DCTN2: variants seen among roughly 807,000 people sequenced by gnomAD.
DCTN2 encodes the protein dynactin subunit 2, also known as 50 kDa dynein-associated polypeptide.
Under a neutral mutation model 55.4 loss-of-function variants are expected in DCTN2, and 18 were observed. That is an observed-to-expected ratio of 0.32 (90% confidence interval 0.22 to 0.48). The LOEUF is 0.48. Ranked by LOEUF, DCTN2 falls within the 20% of genes least tolerant of loss-of-function variation. DCTN2 has a pLI of 0.99. For missense variants in DCTN2, 390 were observed against 491.0 expected (o/e 0.79, Z 1.94); for synonymous variants, 168 against 185.2 (o/e 0.91, Z 0.76).
chr12:57,539,969 T>C (rs1880562358), intron 2 of DCTN2: 3 of 449,640 alleles, frequency 6.7e-6, no homozygotes, highest in East Asian at 1.6e-4. Context: ...GAGGTTGCAG[T>C]TGAACCCGGC....
intron 2 of DCTN2, chr12:57,538,599 G>A (rs1341998157): frequency 2.8e-6 from 2 of 707,330 alleles, no homozygotes; most frequent in Non-Finnish European, 5.1e-6. Flanking sequence ...GATGAGGGAG[G>A]GAAAAAAAAG....
rs758150188 is a variant in DCTN2 at position 57,533,298 on chromosome 12, T to C, written c.675A>G (p.Ala225=). ...GCTCTGTCAGGCGCTTTTCAAGTTC[T>C]GCGACCTAGTGGGAGGAAGGAGGTG... is the stretch of plus-strand genomic sequence containing the variant. ...QDKFSQAAKV[A]ELEKRLTELE... The change falls in exon 8 of 14, where the codon GCA becomes GCG. Residue 225 remains alanine, a synonymous_variant. Transcript: ENST00000548249. The C allele has an allele frequency of 3.7e-6, 6 of 1,614,010 alleles. No individual in the cohort carries two copies. Among genetic ancestry groups the C allele is most frequent in the Non-Finnish European group, 5.1e-6 (6 of 1,179,890 alleles).
At chr12:57,532,381 T>C (rs890107648) in intron 11 of DCTN2, 66 bp from the exon 12 acceptor site, 2 of 1,408,860 alleles carry the variant, frequency 1.4e-6, no homozygotes, top group African/African-American at 1.4e-5. Flanking sequence ...TACAGACTGC[T>C]ATTTCACCGT....
intron 2 of DCTN2, among the ~76,000 whole-genome samples, chr12:57,545,108 C>A (rs962821259): frequency 6.6e-6 from 1 of 152,192 alleles, no homozygotes; most frequent in Non-Finnish European, 1.5e-5. Flanking sequence ...AGCCACAGGA[C>A]TTACAGACAA....
rs1297644822 is a variant in DCTN2 at position 57,532,007 on chromosome 12, G to A, written c.1119+8C>T. 5 of 1,557,412 alleles carry A rather than the reference G, an allele frequency of 3.2e-6. No individual in the cohort carries two copies. The highest frequency in any genetic ancestry group is 4.3e-6 in the Non-Finnish European group (5 of 1,150,040). On this transcript the variant is annotated splice_region_variant and intron_variant, in intron 13 of 13. Coordinates refer to ENST00000548249, the MANE Select transcript of DCTN2 (RefSeq NM_001261413.2). ...GAAAGGAGGACAGATCAACAAAGGG[G>A]CACACACCTGGGTCAAGAGGGTGGT...
intron 2 of DCTN2, among the ~76,000 whole-genome samples, chr12:57,537,006 TAGAC>T (rs922562082): frequency 1.9e-4 from 28 of 151,222 alleles, no homozygotes; most frequent in African/African-American, 5.1e-4. Context: ...TTTTTTTAAA[TAGAC>T]AGCCGGGCAA....
intron 2 of DCTN2, chr12:57,538,275 C>A: frequency 1.7e-6 from 1 of 600,926 alleles, no homozygotes; most frequent in Non-Finnish European, 3.1e-6. Flanking sequence ...TCCTCTGGAG[C>A]CTCTCCAAGG....
chr12:57,538,833 A>G (rs1257172807), intron 2 of DCTN2, among the ~76,000 whole-genome samples: 1 of 152,210 alleles, frequency 6.6e-6, no homozygotes, highest in Non-Finnish European at 1.5e-5. Context: ...ATCATCTGAA[A>G]ACTAGGAGTT....
intron 1 of DCTN2, 41 bp from the exon 2 acceptor site, chr12:57,546,137 C>G: frequency 6.4e-7 from 1 of 1,562,308 alleles, no homozygotes; most frequent in South Asian, 1.1e-5. Flanking sequence ...CACTACCCAG[C>G]ATCCAACAAC....
chr12:57,530,065 T>A lies in DCTN2; in HGVS notation c.*624A>T, dbSNP rs1382575422. The A allele has an allele frequency of 6.6e-6, 1 of 152,604 alleles. No homozygotes were observed. The highest frequency in any genetic ancestry group is 1.5e-5 in the Non-Finnish European group (1 of 68,064). 9.5% of individuals were successfully genotyped at this position (152,604 alleles called of 1,614,324 possible). On this transcript the variant is annotated 3_prime_UTR_variant, in exon 14 of 14. Transcript: ENST00000548249. ...AAGACCCTTGGGAGTTTTAATTCTG[T>A]TTTGTACTTGCCCTGTGGGGCCTCC... is the stretch of plus-strand genomic sequence containing the variant.
Position 57,530,869 on chromosome 12 carries a change from A to G in DCTN2, c.1120-94T>C, listed in dbSNP as rs552552615. 17 of 1,101,920 alleles carry G rather than the reference A, an allele frequency of 1.5e-5. No homozygotes were observed. In the Admixed American group the frequency reaches 3.2e-4, roughly 21 times the overall value. The allele number at this position is 1,101,920 out of a possible 1,614,324, so 68.3% of individuals were successfully genotyped here. On this transcript the variant is annotated intron_variant, in intron 13 of 13. Coordinates refer to ENST00000548249, the MANE Select transcript of DCTN2 (RefSeq NM_001261413.2). ...AATTCTCTGAGAGAGAAGACAAGAA[A>G]TGGAAGCACAATTTGTGGGCCACAG...
In DCTN2 at chr12:57,537,864, T is replaced by C. The variant is rs536879893; in HGVS notation, c.106-2019A>G. Among the ~76,000 whole-genome samples the C allele has an allele frequency of 2.6e-5, 4 of 152,282 alleles. No individual in the cohort carries two copies. The South Asian group carries it at 8.3e-4, about 32-fold the overall frequency. On this transcript the variant is annotated intron_variant, in intron 2 of 13. Transcript: ENST00000548249. ...TAGCTGTGTGATCTCTGGCCTCTTATCAACTGGGAAGGGCTCAGGCTAAGG... is the reference window on the plus strand; with the variant it reads ...TAGCTGTGTGATCTCTGGCCTCTTACCAACTGGGAAGGGCTCAGGCTAAGG...
chr12:57,543,001 T>C (rs890075436), intron 2 of DCTN2: 2 of 455,838 alleles, frequency 4.4e-6, no homozygotes, highest in Non-Finnish European at 4.4e-6. Flanking sequence ...CTGATAAAAT[T>C]AAAGTTGAAA....
intron 6 of DCTN2, 66 bp downstream of exon 6, chr12:57,534,226 A>C: frequency 6.5e-7 from 1 of 1,527,768 alleles, no homozygotes. Context: ...CACCCCTGTC[A>C]GTAGCTGGCT....
In DCTN2 at chr12:57,530,772, G is replaced by A; in HGVS notation, c.1123C>T (p.Gln375Ter). 1 of 1,613,418 alleles carries A rather than the reference G, an allele frequency of 6.2e-7. No individual in the cohort carries two copies. Among genetic ancestry groups the A allele is most frequent in the Non-Finnish European group, 8.5e-7 (1 of 1,179,374 alleles). The part of the protein sequence containing the change: ...KDNTTLLTQV[Q>*]TTMRENLATV... ...GCCAGGTTTTCACGCATGGTTGTCT[G>A]CACCTACAAAGTGGTAGAGAGGTTT... The change falls in exon 14 of 14, where the codon CAG (glutamine) becomes TAG (stop). Residue 375 changes from glutamine (Q) to a stop codon, truncating the protein, a stop_gained. Coordinates refer to ENST00000548249, the MANE Select transcript of DCTN2 (RefSeq NM_001261413.2). LOFTEE classifies it high-confidence loss of function.
rs755230022 is a variant in DCTN2, at chr12:57,532,559, G to T, written c.924+13C>A. Reference sequence around the variant, plus strand: ...AGGGAGTGGAAAGGAGATGGGGAAGGTGTCTTCCTGACCTTGCTTTGTGTA... The same window carrying T: ...AGGGAGTGGAAAGGAGATGGGGAAGTTGTCTTCCTGACCTTGCTTTGTGTA... On this transcript the variant is annotated intron_variant, in intron 11 of 13. Transcript: ENST00000548249. 1.9e-6 allele frequency: 3 copies of T among 1,613,556 alleles called. No homozygotes were observed. Among genetic ancestry groups the T allele is most frequent in the Non-Finnish European group, 2.5e-6 (3 of 1,179,624 alleles).
chr12:57,546,822 A>C (rs1881205444), intron 1 of DCTN2, among the ~76,000 whole-genome samples: 1 of 152,200 alleles, frequency 6.6e-6, no homozygotes, highest in African/African-American at 2.4e-5. Flanking sequence ...ACTGCCGGAA[A>C]GGGGGCCTGG....
chr12:57,530,593 G>T lies in DCTN2; in HGVS notation c.*96C>A. The T allele has an allele frequency of 9.2e-7, 1 of 1,082,944 alleles. No individual in the cohort carries two copies. Among genetic ancestry groups the T allele is most frequent in the Non-Finnish European group, 1.4e-6 (1 of 729,146 alleles). 67.1% of individuals were successfully genotyped at this position (1,082,944 alleles called of 1,614,324 possible). A position where few individuals can be genotyped will look rare whatever the true frequency, so the allele number is the denominator to read the frequency against. On this transcript the variant is annotated 3_prime_UTR_variant, in exon 14 of 14. Transcript: ENST00000548249. ...TGCCCCCAGTGTCAAATGGGATGGG[G>T]ATGCTAGAGTTATAGTAAAGGGGAA...
rs1216418513 is a variant in DCTN2, at chr12:57,534,207, G to T, written c.524+85C>A. 102 of 1,521,022 alleles carry T rather than the reference G, an allele frequency of 6.7e-5. 2 individuals are homozygous for T. The highest frequency in any genetic ancestry group is 8.8e-7 in the Non-Finnish European group (1 of 1,131,298). 94.2% of individuals were successfully genotyped at this position (1,521,022 alleles called of 1,614,324 possible). ...TAAGAAACATCTAAGCCACTTCTCT[G>T]CCACTTAGCACCCCTGTCAGTAGCT... On this transcript the variant is annotated intron_variant, in intron 6 of 13. Transcript: ENST00000548249.
Sources: gnomAD v4.1 joint callset for allele counts (sites outside exome capture counted in the v4.1 genomes callset) on GRCh38, gnomAD v4.1.1 for gene constraint, MANE v1.5 for transcripts, NCBI Gene and HGNC (gene_info 2026-07-23, HGNC 2026-07-21) for gene names.